N4BP2: variants seen among roughly 807,000 people sequenced by gnomAD.
N4BP2 encodes the protein NEDD4-binding protein 2.
N4BP2 carries 91 observed loss-of-function variants against 152.8 expected under a neutral mutation model. That is an observed-to-expected ratio of 0.60 (90% CI 0.50 to 0.71). The LOEUF (loss-of-function observed/expected upper bound fraction) is 0.71. N4BP2 is among the 30% of genes least tolerant of loss of function. The pLI is 0.00. For missense variants in N4BP2, 1,923 were observed against 2,059.1 expected, an observed-to-expected ratio of 0.93 and a Z score of 1.28; for synonymous variants, 646 against 705.3, an observed-to-expected ratio of 0.92 and a Z score of 1.33.
chr4:40,124,454 C>A (rs1265304919), intron 11 of N4BP2, among the ~76,000 whole-genome samples: 1 of 152,040 alleles, frequency 6.6e-6, no homozygotes, highest in African/African-American at 2.4e-5. Flanking sequence ...TCAAGCAATT[C>A]TCCTGCCTCA....
At chr4:40,160,844 A>T (rs1208269358), downstream of N4BP2, among the ~76,000 whole-genome samples, 1 of 152,198 alleles carries the variant, frequency 6.6e-6, no homozygotes, top group African/African-American at 2.4e-5. Flanking sequence ...CTCCTGACTC[A>T]TGTTAAGTTT....
At chr4:40,177,581 A>T in the N4BP2 span, among the ~76,000 whole-genome samples, 1 of 152,086 alleles carries the variant, frequency 6.6e-6, no homozygotes, top group African/African-American at 2.4e-5. Context: ...AAGCCACTGT[A>T]CTCCAGCCTG....
At chr4:40,077,917 GAGA>G (rs1466172407) in intron 2 of N4BP2, 1 of 152,124 alleles carries the variant, frequency 6.6e-6, no homozygotes, top group African/African-American at 2.4e-5. Flanking sequence ...GAATGATACA[GAGA>G]AGATGAGCAT....
intron 2 of N4BP2, among the ~76,000 whole-genome samples, chr4:40,076,386 A>T (rs1165524400): frequency 1.3e-5 from 2 of 152,056 alleles, no homozygotes; most frequent in African/African-American, 2.4e-5. Context: ...TGAGGTAGGA[A>T]AATCACTTGA....
At chr4:40,061,613 C>T (rs1436547213) in intron 1 of N4BP2, among the ~76,000 whole-genome samples, 1 of 151,976 alleles carries the variant, frequency 6.6e-6, no homozygotes, top group Non-Finnish European at 1.5e-5. Context: ...GATCCGCCCG[C>T]CTCAGCCTCC....
chr4:40,144,805 G>A lies in N4BP2; in HGVS notation c.5143+5G>A, dbSNP rs1250789358. 6.3e-7 allele frequency: 1 copy of A among 1,595,728 alleles called. No homozygotes were observed. On this transcript the variant is annotated splice_donor_5th_base_variant and intron_variant, in intron 16 of 17. Transcript: ENST00000261435. ...TTTTAGAGAAGAAGACTGAAGGTAG[G>A]ACTGTGGTAATCACAAGTTTTCAAT...
chr4:40,187,322 C>T, the N4BP2 span, among the ~76,000 whole-genome samples: 1 of 151,778 alleles, frequency 6.6e-6, no homozygotes, highest in Non-Finnish European at 1.5e-5. Flanking sequence ...CATCCAAAGC[C>T]AAAAATCTGT....
intron 5 of N4BP2, among the ~76,000 whole-genome samples, chr4:40,110,600 C>T (rs906702988): frequency 6.6e-6 from 1 of 152,302 alleles, no homozygotes; most frequent in African/African-American, 2.4e-5. Flanking sequence ...TGCAGTGGCA[C>T]GATCTTGGCT....
chr4:40,136,352 A>G (rs2110021621), intron 13 of N4BP2, among the ~76,000 whole-genome samples: 1 of 121,448 alleles, frequency 8.2e-6, no homozygotes, highest in Middle Eastern at 4.1e-3. Flanking sequence ...GAATCTATCT[A>G]TCTATCTATC....
At chr4:40,108,127 C>T (rs1452814689) in intron 5 of N4BP2, among the ~76,000 whole-genome samples, 1 of 151,438 alleles carries the variant, frequency 6.6e-6, no homozygotes, top group Non-Finnish European at 1.5e-5. Flanking sequence ...GGGGTTTTGC[C>T]ACATTGGCCA....
intron 12 of N4BP2, among the ~76,000 whole-genome samples, chr4:40,131,140 G>A (rs1163563799): frequency 1.3e-5 from 2 of 152,146 alleles, no homozygotes; most frequent in African/African-American, 2.4e-5. Flanking sequence ...TTTTGAGGAC[G>A]ATGTTCACAG....
At chr4:40,123,926 A>T (rs544933250) in intron 10 of N4BP2, among the ~76,000 whole-genome samples, 4 of 151,134 alleles carry the variant, frequency 2.6e-5, no homozygotes, top group South Asian at 4.2e-4. Context: ...ATAACAAGAA[A>T]TTTTTTTTTT....
At chr4:40,118,881 TGACA>T (rs537483945) in intron 8 of N4BP2, among the ~76,000 whole-genome samples, 62 of 152,334 alleles carry the variant, frequency 4.1e-4, no homozygotes, top group East Asian at 9.6e-4. Context: ...CAGCATTAAC[TGACA>T]GACAGAGTAA....
chr4:40,111,121 GAT>G (rs1346408370), intron 5 of N4BP2, among the ~76,000 whole-genome samples: 8 of 152,044 alleles, frequency 5.3e-5, no homozygotes, highest in Non-Finnish European at 1.0e-4. Context: ...TTGAATATTA[GAT>G]ATATGGAAAA....
At chr4:40,073,768 A>AT (rs989515628) in intron 2 of N4BP2, among the ~76,000 whole-genome samples, 7 of 147,106 alleles carry the variant, frequency 4.8e-5, no homozygotes, top group African/African-American at 1.8e-4. Flanking sequence ...TAATTTTTGT[A>AT]TTTTTTGGTA....
chr4:40,126,095 T>G, intron 11 of N4BP2, 39 bp from the exon 12 acceptor site: 2 of 1,208,630 alleles, frequency 1.7e-6, no homozygotes, highest in Non-Finnish European at 2.2e-6. Context: ...TTTATACATT[T>G]ATTGTTGAGA....
rs368849494 is a variant in N4BP2, at chr4:40,102,831, A to G, written c.986A>G (p.His329Arg). The G allele has an allele frequency of 5.6e-6, 9 of 1,614,042 alleles. No individual in the cohort carries two copies. The highest frequency in any genetic ancestry group is 7.6e-6 in the Non-Finnish European group (9 of 1,180,036). The change falls in exon 4 of 18, where the codon CAC (histidine) becomes CGC (arginine). Residue 329 changes from histidine to arginine, a missense_variant. By Grantham distance (29) the His-to-Arg change is conservative. Coordinates refer to ENST00000261435, the MANE Select transcript of N4BP2 (RefSeq NM_018177.6). ...TCCGAAGGGTTCAACTTCAAGCCAC[A>G]CAAACATCCTGAACTGCCAACTAAG... The part of the protein sequence containing the change: ...LPSEGFNFKP[H>R]KHPELPTKGK...
Position 40,102,061 on chromosome 4 carries a change from T to G in N4BP2, c.230-14T>G. 1 of 1,480,466 alleles carries G rather than the reference T, an allele frequency of 6.8e-7. No homozygotes were observed. The highest frequency in any genetic ancestry group is 9.1e-7 in the Non-Finnish European group (1 of 1,099,120). 91.7% of individuals were successfully genotyped at this position (1,480,466 alleles called of 1,614,324 possible). A position where few individuals can be genotyped will look rare whatever the true frequency, so the allele number is the denominator to read the frequency against. On this transcript the variant is annotated splice_polypyrimidine_tract_variant and intron_variant, in intron 3 of 17. Coordinates refer to ENST00000261435, the MANE Select transcript of N4BP2 (RefSeq NM_018177.6). The stretch of plus-strand genomic sequence containing the variant: ...TATATTTTTGTTGTTGTTATTATTC[T>G]TGTTGTTGTACAGTTGAAAATGCTA...
chr4:40,132,694 C>A (rs975930362), intron 13 of N4BP2, among the ~76,000 whole-genome samples: 1 of 152,012 alleles, frequency 6.6e-6, no homozygotes, highest in Non-Finnish European at 1.5e-5. Flanking sequence ...TTCTTAAATT[C>A]TTCACAAGAG....
Sources: allele counts gnomAD v4.1 joint callset (sites outside exome capture counted in the v4.1 genomes callset), GRCh38; gene constraint gnomAD v4.1.1; transcripts MANE v1.5; gene names NCBI Gene and HGNC (gene_info 2026-07-23, HGNC 2026-07-21).